NKD1: variants seen among roughly 807,000 people sequenced by gnomAD.
The protein encoded by NKD1 is NKD inhibitor of Wnt signaling pathway 1.
A neutral mutation model predicts 56.0 loss-of-function variants in NKD1; 21 were observed. The ratio of observed to expected loss-of-function variants is 0.38; its 90% CI spans 0.27 to 0.54. The LOEUF is 0.54. Ranked by LOEUF, NKD1 falls within the 20% of genes least tolerant of loss-of-function variation. The pLI is 0.82. For synonymous variants in NKD1, 263 were observed against 265.7 expected, an observed-to-expected ratio of 0.99 and a Z score of 0.10; for missense variants, 578 against 642.7, an observed-to-expected ratio of 0.90 and a Z score of 1.09.
intron 3 of NKD1, among the ~76,000 whole-genome samples, chr16:50,575,544 C>T (rs1185754311): frequency 2.0e-5 from 3 of 152,162 alleles, no homozygotes; most frequent in East Asian, 1.9e-4. Context: ...GCTGTGGGGA[C>T]GGACTTGCTC....
Position 50,648,460 on chromosome 16 carries a change from C to T in NKD1, c.*14679C>T, listed in dbSNP as rs756359260. On this transcript the variant is annotated 3_prime_UTR_variant, in exon 10 of 10. Coordinates refer to ENST00000268459, the MANE Select transcript of NKD1 (RefSeq NM_033119.5). ...TCAGATGGATAATTGCCATCATCCTCACCAAGTTGCCACTGGACTTTCTTG... is the reference window on the plus strand; with the variant it reads ...TCAGATGGATAATTGCCATCATCCTTACCAAGTTGCCACTGGACTTTCTTG... The T allele has an allele frequency of 5.9e-5, 9 of 152,508 alleles. No individual in the cohort carries two copies. Among genetic ancestry groups the T allele is most frequent in the Non-Finnish European group, 8.8e-5 (6 of 68,036 alleles). The allele number at this position is 152,508 out of a possible 1,614,324, so 9.4% of individuals were successfully genotyped here.
At chr16:50,558,089 G>A (rs975616292) in intron 3 of NKD1, 5 of 152,228 alleles carry the variant, frequency 3.3e-5, no homozygotes, top group African/African-American at 1.2e-4. Context: ...CCCTGGTGTT[G>A]CCACACGGGC....
chr16:50,579,452 C>T (rs1222105212), intron 3 of NKD1, among the ~76,000 whole-genome samples: 4 of 142,110 alleles, frequency 2.8e-5, no homozygotes, highest in Non-Finnish European at 4.6e-5. Context: ...TAACCCGCCA[C>T]GCATGCACTG....
rs917061405 is a variant in NKD1 at position 50,635,734 on chromosome 16, G to A, written c.*1953G>A. ...ACTCCCTTGAGGCCGCACAGAGGGC[G>A]GAGCTGGAATTCTGGTCTCCCACTC... is the stretch of plus-strand genomic sequence containing the variant. On this transcript the variant is annotated 3_prime_UTR_variant, in exon 10 of 10. Transcript: ENST00000268459. The surrounding 1 kb of genome is among the most constrained non-coding windows in gnomAD (Gnocchi z 4.1). 1.3e-5 allele frequency: 2 copies of A among 152,252 alleles called. No individual in the cohort carries two copies. The highest frequency in any genetic ancestry group is 6.5e-5 in the Admixed American group (1 of 15,280). The allele number at this position is 152,252 out of a possible 1,614,324, so 9.4% of individuals were successfully genotyped here.
rs1962411415 is a variant in NKD1 at position 50,633,872 on chromosome 16, A to C, written c.*91A>C. On this transcript the variant is annotated 3_prime_UTR_variant, in exon 10 of 10. Coordinates refer to ENST00000268459, the MANE Select transcript of NKD1 (RefSeq NM_033119.5). The surrounding 1 kb of genome is among the most constrained non-coding windows in gnomAD (Gnocchi z 4.9). ...TATTCTATTAATTATTGTTATTATGATGATTATTGTTATTAATAATTATTG... is the reference window on the plus strand; with the variant it reads ...TATTCTATTAATTATTGTTATTATGCTGATTATTGTTATTAATAATTATTG... 1.6e-6 allele frequency: 1 copy of C among 617,322 alleles called. No individual in the cohort carries two copies. The highest frequency in any genetic ancestry group is 2.7e-6 in the Non-Finnish European group (1 of 367,964). The allele number at this position is 617,322 out of a possible 1,614,324, so 38.2% of individuals were successfully genotyped here. A position where few individuals can be genotyped will look rare whatever the true frequency, so the allele number is the denominator to read the frequency against.
intron 3 of NKD1, among the ~76,000 whole-genome samples, chr16:50,571,820 T>G (rs1960890161): frequency 6.6e-6 from 1 of 152,102 alleles, no homozygotes; most frequent in Non-Finnish European, 1.5e-5. Flanking sequence ...ATCCACTCCC[T>G]CTCCTACTTG....
intron 4 of NKD1, among the ~76,000 whole-genome samples, chr16:50,614,325 T>A (rs564074254): frequency 5.3e-5 from 8 of 151,960 alleles, no homozygotes; most frequent in Admixed American, 4.6e-4. Context: ...AAGGCCTGTT[T>A]GGATTCTGGA....
At chr16:50,611,068 C>T (rs532499380) in intron 4 of NKD1, among the ~76,000 whole-genome samples, 1 of 152,206 alleles carries the variant, frequency 6.6e-6, no homozygotes, top group Non-Finnish European at 1.5e-5. Flanking sequence ...GGGCAGGACT[C>T]CAGGTAGTCG....
chr16:50,570,914 C>T, intron 3 of NKD1: 1 of 985,432 alleles, frequency 1.0e-6, no homozygotes, highest in Non-Finnish European at 1.2e-6. Flanking sequence ...GCCCCCACCC[C>T]AGCCATAGCA....
intron 8 of NKD1, 105 bp downstream of exon 8, chr16:50,631,015 G>C (rs1286282390): frequency 1.3e-6 from 1 of 774,442 alleles, no homozygotes; most frequent in Non-Finnish European, 2.0e-6. Context: ...TTCTCTTCAG[G>C]GAGCCAACAC....
At chr16:50,596,456 AC>A (rs771236974) in intron 3 of NKD1, among the ~76,000 whole-genome samples, 3 of 152,106 alleles carry the variant, frequency 2.0e-5, no homozygotes, top group Non-Finnish European at 4.4e-5. Context: ...CCATTGGGTG[AC>A]CTGGAATCCA....
intron 3 of NKD1, among the ~76,000 whole-genome samples, chr16:50,561,525 A>ACAG (rs549651023): frequency 1.9e-3 from 285 of 152,290 alleles, no homozygotes; most frequent in African/African-American, 6.3e-3. Context: ...GGTGGCTCTA[A>ACAG]CAGCAAGGGT....
intron 3 of NKD1, among the ~76,000 whole-genome samples, chr16:50,559,915 C>T (rs1272306928): frequency 3.3e-5 from 5 of 151,974 alleles, no homozygotes; most frequent in Admixed American, 6.6e-5. Context: ...GGGCTCAGGC[C>T]GGAGGATGTT....
chr16:50,601,600 C>G (rs1193408391), intron 3 of NKD1, among the ~76,000 whole-genome samples: 3 of 152,144 alleles, frequency 2.0e-5, no homozygotes, highest in Admixed American at 6.5e-5. Context: ...GAGAAGCTGC[C>G]GATGAGATGA....
At chr16:50,611,146 G>A (rs893637386) in intron 4 of NKD1, among the ~76,000 whole-genome samples, 5 of 152,220 alleles carry the variant, frequency 3.3e-5, no homozygotes, top group African/African-American at 9.6e-5. Flanking sequence ...TGGCCTCCAG[G>A]AGTCACTGTG....
intron 3 of NKD1, chr16:50,555,238 C>CG (rs1177378793): frequency 4.6e-5 from 7 of 152,314 alleles, no homozygotes; most frequent in Non-Finnish European, 1.0e-4. Context: ...TGGAATCAAG[C>CG]GGGTAATCAA....
intron 3 of NKD1, among the ~76,000 whole-genome samples, chr16:50,589,303 G>A (rs775002339): frequency 6.6e-6 from 1 of 152,152 alleles, no homozygotes; most frequent in Admixed American, 6.5e-5. Context: ...GAGTTTCCTC[G>A]CGCCAGTCCC....
rs1258337661 is a variant in NKD1, at chr16:50,645,212, GGAC to G, written c.*11433_*11435del. 1 of 152,298 alleles carries G rather than the reference GGAC, an allele frequency of 6.6e-6. No individual in the cohort carries two copies. Among genetic ancestry groups the G allele is most frequent in the East Asian group, 1.9e-4 (1 of 5,194 alleles). The allele number at this position is 152,298 out of a possible 1,614,324, so 9.4% of individuals were successfully genotyped here. A position where few individuals can be genotyped will look rare whatever the true frequency, so the allele number is the denominator to read the frequency against. Reference sequence around the variant, plus strand: ...TTGTGGAGCTTTAATCTAGTGTGGGGGACGGGGGGACTGCTTCCACCCAGAAAC... The same window carrying G: ...TTGTGGAGCTTTAATCTAGTGTGGGGGGGGGGACTGCTTCCACCCAGAAAC... On this transcript the variant is annotated 3_prime_UTR_variant, in exon 10 of 10. Transcript: ENST00000268459.
At chr16:50,560,336 C>G (rs1960596678) in intron 3 of NKD1, among the ~76,000 whole-genome samples, 1 of 152,208 alleles carries the variant, frequency 6.6e-6, no homozygotes, top group Admixed American at 6.5e-5. Flanking sequence ...CGTGCTGAGT[C>G]TGGGAGCTGC....
Sources: gnomAD v4.1 joint callset for allele counts (sites outside exome capture counted in the v4.1 genomes callset) on GRCh38, gnomAD v4.1.1 for gene constraint, Gnocchi (gnomAD v3.1) non-coding constraint, MANE v1.5 for transcripts, NCBI Gene and HGNC (gene_info 2026-07-23, HGNC 2026-07-21) for gene names.